Variants in ARIH1 observed in about 807,000 individuals in gnomAD.
ARIH1 encodes ariadne RBR E3 ubiquitin protein ligase 1, also known as E3 ubiquitin-protein ligase ARIH1.
Under a neutral mutation model 85.0 loss-of-function variants are expected in ARIH1, and 8 were observed. The observed-to-expected ratio is 0.09, with a 90% confidence interval of 0.06 to 0.17. The LOEUF is 0.17. Ranked by LOEUF, ARIH1 falls within the 10% of genes least tolerant of loss-of-function variation. The pLI, the probability that ARIH1 is intolerant of heterozygous loss-of-function variation, is 1.00. For missense variants in ARIH1, 311 were observed against 718.1 expected (o/e 0.43, Z 6.48); for synonymous variants, 238 against 253.6 (o/e 0.94, Z 0.59).
At chr15:72,504,602 C>CT (rs1324152451) in intron 1 of ARIH1, among the ~76,000 whole-genome samples, 2 of 152,030 alleles carry the variant, frequency 1.3e-5, no homozygotes, top group Non-Finnish European at 2.9e-5. Flanking sequence ...TCTCGTTCGT[C>CT]TTTATCTGCA....
At chr15:72,579,961 T>A (rs2064288699) in intron 11 of ARIH1, among the ~76,000 whole-genome samples, 1 of 152,178 alleles carries the variant, frequency 6.6e-6, no homozygotes, top group South Asian at 2.1e-4. Context: ...GAAATGATAC[T>A]TATTTTGAAA....
Position 72,589,038 on chromosome 15 carries a change from G to T in ARIH1, c.*5746G>T, listed in dbSNP as rs2064329860. On this transcript the variant is annotated 3_prime_UTR_variant, in exon 14 of 14. Coordinates refer to ENST00000379887, the MANE Select transcript of ARIH1 (RefSeq NM_005744.5). ...GTGTGGTATAGTAGTAAGAATATTG[G>T]TATTTCTCAGCCATAGATTTCCCTT... The T allele has an allele frequency of 6.6e-6, 1 of 152,036 alleles. No homozygotes were observed. Among genetic ancestry groups the T allele is most frequent in the Admixed American group, 6.6e-5 (1 of 15,258 alleles). The allele number at this position is 152,036 out of a possible 1,614,324, so 9.4% of individuals were successfully genotyped here.
At position 72,474,390 on chromosome 15, in the gene ARIH1, G is replaced by T; in HGVS notation, c.-250G>T. ...GGACTGTTTTCTCTCGGAGGCCGGAGCGGAGCCGCGTCTGACTGAGGCGGG... is the reference window on the plus strand; with the variant it reads ...GGACTGTTTTCTCTCGGAGGCCGGATCGGAGCCGCGTCTGACTGAGGCGGG... On this transcript the variant is annotated 5_prime_UTR_variant, in exon 1 of 14. Coordinates refer to ENST00000379887, the MANE Select transcript of ARIH1 (RefSeq NM_005744.5). The T allele has an allele frequency of 1.9e-6, 1 of 518,590 alleles. No homozygotes were observed. Among genetic ancestry groups the T allele is most frequent in the Non-Finnish European group, 3.4e-6 (1 of 295,888 alleles). The allele number at this position is 518,590 out of a possible 1,614,324, so 32.1% of individuals were successfully genotyped here.
chr15:72,561,267 A>G (rs528903370), intron 5 of ARIH1, among the ~76,000 whole-genome samples: 12 of 152,318 alleles, frequency 7.9e-5, no homozygotes, highest in East Asian at 7.7e-4. Context: ...AGAACCATGG[A>G]AAAAAAGTCT....
intron 2 of ARIH1, among the ~76,000 whole-genome samples, chr15:72,525,067 T>A (rs1244501891): frequency 6.6e-6 from 1 of 152,034 alleles, no homozygotes; most frequent in Non-Finnish European, 1.5e-5. Context: ...TTTTCTTTAT[T>A]TTTAGTAGAG....
At chr15:72,481,249 G>A (rs1298774152) in intron 1 of ARIH1, among the ~76,000 whole-genome samples, 1 of 152,206 alleles carries the variant, frequency 6.6e-6, no homozygotes, top group African/African-American at 2.4e-5. Context: ...TGGGGATGGG[G>A]TCTGGCTGTC....
chr15:72,575,981 C>T (rs547345791), intron 11 of ARIH1, among the ~76,000 whole-genome samples: 1 of 152,254 alleles, frequency 6.6e-6, no homozygotes, highest in African/African-American at 2.4e-5. Context: ...TTAGCTGGAA[C>T]TAGAGGCAGC....
At chr15:72,506,846 GTTTT>G (rs199830435) in intron 1 of ARIH1, among the ~76,000 whole-genome samples, 1 of 150,170 alleles carries the variant, frequency 6.7e-6, no homozygotes, top group Non-Finnish European at 1.5e-5. Flanking sequence ...GTTTTTTTTT[GTTTT>G]TTTTGTTTGT....
intron 1 of ARIH1, among the ~76,000 whole-genome samples, chr15:72,501,735 A>G (rs1232881823): frequency 6.6e-6 from 1 of 152,248 alleles, no homozygotes; most frequent in East Asian, 1.9e-4. Flanking sequence ...AATAACTTTA[A>G]TCATCTCACA....
intron 2 of ARIH1, among the ~76,000 whole-genome samples, chr15:72,540,826 C>A (rs1205594324): frequency 6.6e-6 from 1 of 152,012 alleles, no homozygotes; most frequent in Admixed American, 6.6e-5. Flanking sequence ...ATAGTGAGAC[C>A]CTAACTCATT....
At chr15:72,556,309 GATTC>G in intron 5 of ARIH1, among the ~76,000 whole-genome samples, 1 of 152,364 alleles carries the variant, frequency 6.6e-6, no homozygotes, top group Non-Finnish European at 1.5e-5. Flanking sequence ...AAAGAAGGAA[GATTC>G]AATAGGAAGA....
intron 2 of ARIH1, among the ~76,000 whole-genome samples, chr15:72,520,350 CCA>C (rs1255608727): frequency 6.6e-6 from 1 of 151,302 alleles, no homozygotes; most frequent in Non-Finnish European, 1.5e-5. Flanking sequence ...ATTAGCACTG[CCA>C]CACTTTTTTT....
chr15:72,494,818 A>C lies in ARIH1; in HGVS notation c.375+19804A>C, dbSNP rs1265982312. ...TTCAAGATACCGTGAGAAATGATGA[A>C]TTATTAGGAAAAAAAAAAAAAACTT... On this transcript the variant is annotated intron_variant, in intron 1 of 13. Transcript: ENST00000379887. 1.1e-4 allele frequency among the ~76,000 whole-genome samples: 6 copies of C among 55,270 alleles called. No homozygotes were observed. The Admixed American group carries it at 1.6e-3, about 15-fold the overall frequency. 36.3% of individuals were successfully genotyped at this position (55,270 alleles called of 152,430 possible).
chr15:72,580,613 TA>T, intron 11 of ARIH1, 117 bp from the exon 12 acceptor site: 1 of 971,068 alleles, frequency 1.0e-6, no homozygotes, highest in Non-Finnish European at 1.5e-6. Context: ...ATCTTTTTGA[TA>T]AAAACCATTC....
intron 11 of ARIH1, among the ~76,000 whole-genome samples, chr15:72,578,585 T>C (rs1269129210): frequency 6.6e-6 from 1 of 152,140 alleles, no homozygotes; most frequent in African/African-American, 2.4e-5. Context: ...GACAACTCTT[T>C]TTCTTAATTT....
intron 2 of ARIH1, among the ~76,000 whole-genome samples, chr15:72,521,931 C>T (rs370443725): frequency 6.6e-6 from 1 of 152,206 alleles, no homozygotes; most frequent in Admixed American, 6.5e-5. Flanking sequence ...TGACTGTACT[C>T]ATCTTTGTTT....
chr15:72,511,633 C>T (rs1028045307), intron 1 of ARIH1, among the ~76,000 whole-genome samples: 1 of 152,190 alleles, frequency 6.6e-6, no homozygotes, highest in Non-Finnish European at 1.5e-5. Context: ...TGGCCTTGGA[C>T]TTCGCTAAAC....
At chr15:72,496,894 A>G (rs2063882305) in intron 1 of ARIH1, 3 of 980,220 alleles carry the variant, frequency 3.1e-6, no homozygotes, top group Non-Finnish European at 3.6e-6. Flanking sequence ...AGTCATTAAA[A>G]GACCATTAAA....
chr15:72,533,550 TTTC>T (rs2064067599), intron 2 of ARIH1, among the ~76,000 whole-genome samples: 1 of 152,158 alleles, frequency 6.6e-6, no homozygotes, highest in African/African-American at 2.4e-5. Flanking sequence ...ATATGAAAAA[TTTC>T]TTTTTTCTTT....
Sources: gnomAD v4.1 joint callset for allele counts (sites outside exome capture counted in the v4.1 genomes callset) on GRCh38, gnomAD v4.1.1 for gene constraint, MANE v1.5 for transcripts, NCBI Gene and HGNC (gene_info 2026-07-23, HGNC 2026-07-21) for gene names.